The following TMEM67 variants were observed in gnomAD, a reference collection of about 807,000 sequenced individuals.
The protein encoded by TMEM67 is transmembrane protein 67, also known as meckelin.
A neutral mutation model predicts 136.6 loss-of-function variants in TMEM67; 124 were observed. That is an observed-to-expected ratio of 0.91 (90% CI 0.78 to 1.05). TMEM67 has a LOEUF of 1.05. TMEM67 is among the 50% of genes least tolerant of loss of function. TMEM67 has a pLI of 0.00. For synonymous variants in TMEM67, 364 were observed against 390.5 expected (o/e 0.93, Z 0.80); for missense variants, 1,107 against 1,178.4 (o/e 0.94, Z 0.89).
chr8:93,793,625 A>G (rs1470896198), intron 16 of TMEM67, among the ~76,000 whole-genome samples: 1 of 151,620 alleles, frequency 6.6e-6, no homozygotes, highest in African/African-American at 2.4e-5. Flanking sequence ...ATTTCTCTGT[A>G]CTCTTCATAT....
chr8:93,805,446 T>A (rs545241713), intron 23 of TMEM67, among the ~76,000 whole-genome samples: 101 of 151,900 alleles, frequency 6.6e-4, no homozygotes, highest in African/African-American at 2.3e-3. Flanking sequence ...TAGCCGGGCA[T>A]GGTCGCGGGC....
chr8:93,774,296 T>C (rs1411306422), intron 7 of TMEM67, among the ~76,000 whole-genome samples: 1 of 152,226 alleles, frequency 6.6e-6, no homozygotes, highest in African/African-American at 2.4e-5. Context: ...ATTACAGGCG[T>C]GAGCCACCAT....
intron 20 of TMEM67, among the ~76,000 whole-genome samples, 186 bp from the exon 21 acceptor site, chr8:93,799,432 G>A (rs1814767099): frequency 6.6e-6 from 1 of 152,124 alleles, no homozygotes; most frequent in African/African-American, 2.4e-5. Flanking sequence ...ACTAAATATT[G>A]TGTAATAAAT....
At chr8:93,781,572 G>A in intron 9 of TMEM67, 86 bp from the exon 10 acceptor site, 1 of 578,608 alleles carries the variant, frequency 1.7e-6, no homozygotes, top group South Asian at 3.1e-5. Context: ...CAACAAAAAA[G>A]ATCAGTCAAC....
chr8:93,775,468 G>T (rs1813496655), intron 7 of TMEM67, among the ~76,000 whole-genome samples: 1 of 152,140 alleles, frequency 6.6e-6, no homozygotes, highest in African/African-American at 2.4e-5. Flanking sequence ...TTTTCTTCTA[G>T]GGTTTTTATG....
chr8:93,781,108 T>A, intron 9 of TMEM67, 126 bp downstream of exon 9: 1 of 695,132 alleles, frequency 1.4e-6, no homozygotes, highest in Non-Finnish European at 2.6e-6. Context: ...TAAATATAAA[T>A]GTCAACAACT....
intron 6 of TMEM67, 100 bp from the exon 7 acceptor site, chr8:93,772,489 C>A: frequency 1.2e-6 from 1 of 868,928 alleles, no homozygotes; most frequent in Non-Finnish European, 1.9e-6. Context: ...AACTGTTTTT[C>A]TACTAACATT....
At position 93,758,510 on chromosome 8, in the gene TMEM67, T is replaced by G. The variant is rs748672318; in HGVS notation, c.340T>G (p.Cys114Gly). ...MKGVTEDGWNCISCPSDLTAE... is the reference protein window; with the variant it reads ...MKGVTEDGWNGISCPSDLTAE... The stretch of plus-strand genomic sequence containing the variant: ...AGGTGTTACAGAAGATGGCTGGAAC[T>G]GCATTTCTTGCCCTAGTGACTTAAC... The change falls in exon 3 of 28, where the codon TGC (cysteine) becomes GGC (glycine). Residue 114 changes from cysteine (C) to glycine (G), a missense_variant. Transcript: ENST00000453321. The G allele has an allele frequency of 6.2e-7, 1 of 1,613,938 alleles. No individual in the cohort carries two copies.
chr8:93,826,922 C>T, the TMEM67 span, among the ~76,000 whole-genome samples: 1 of 152,178 alleles, frequency 6.6e-6, no homozygotes, highest in Non-Finnish European at 1.5e-5. Context: ...CTCTGCCTCC[C>T]AGGCTCAAGC....
intron 21 of TMEM67, among the ~76,000 whole-genome samples, 180 bp downstream of exon 21, chr8:93,799,938 C>T (rs923023283): frequency 4.1e-5 from 6 of 147,106 alleles, no homozygotes; most frequent in East Asian, 2.0e-4. Flanking sequence ...AACAGAGTCC[C>T]GCTCTGTCAC....
intron 7 of TMEM67, among the ~76,000 whole-genome samples, chr8:93,777,260 C>T (rs200185589): frequency 2.6e-5 from 4 of 151,888 alleles, no homozygotes; most frequent in Non-Finnish European, 4.4e-5. Context: ...TTATTAGTCT[C>T]GCTAGCGGTC....
chr8:93,769,431 T>A (rs189138974), intron 6 of TMEM67: 1 of 163,928 alleles, frequency 6.1e-6, no homozygotes, highest in Non-Finnish European at 1.5e-5. Context: ...GCCATGAATG[T>A]CTGTCCCTCA....
intron 7 of TMEM67, among the ~76,000 whole-genome samples, chr8:93,777,919 T>C (rs1358400111): frequency 6.6e-6 from 1 of 152,206 alleles, no homozygotes; most frequent in Non-Finnish European, 1.5e-5. Context: ...GTTAACCTTC[T>C]GTCTTGTTGA....
intron 26 of TMEM67, among the ~76,000 whole-genome samples, 162 bp from the exon 27 acceptor site, chr8:93,815,143 A>T (rs1808856839): frequency 6.6e-6 from 1 of 152,224 alleles, no homozygotes; most frequent in South Asian, 2.1e-4. Context: ...AGATGAACAA[A>T]TCTTAAAATG....
downstream of TMEM67, among the ~76,000 whole-genome samples, chr8:93,822,396 G>A (rs73326948): frequency 0.033 from 5,009 of 152,290 alleles, 206 homozygotes; most frequent in African/African-American, 0.098. Flanking sequence ...TATGTAAAGT[G>A]AGGGGATTCG....
At chr8:93,814,909 G>GT (rs904383650) in intron 26 of TMEM67, among the ~76,000 whole-genome samples, 4 of 152,150 alleles carry the variant, frequency 2.6e-5, no homozygotes, top group Admixed American at 2.6e-4. Flanking sequence ...TTGAACTCTT[G>GT]AACACTATGT....
At position 93,816,418 on chromosome 8, in the gene TMEM67, C is replaced by A; in HGVS notation, c.2954C>A (p.Ser985Tyr). 1 of 1,598,708 alleles carries A rather than the reference C, an allele frequency of 6.3e-7. No homozygotes were observed. Among genetic ancestry groups the A allele is most frequent in the South Asian group, 1.1e-5 (1 of 89,790 alleles). Residue 985 changes from serine to tyrosine, a missense_variant, in exon 28 of 28, where the codon TCC (serine) becomes TAC (tyrosine). By Grantham distance (144) the Ser-to-Tyr change is moderately radical. Around this residue, in one of 3 missense-constraint regions of TMEM67, gnomAD observed 925 missense variants for 1,002.4 expected, o/e 0.92. Coordinates refer to ENST00000453321, the MANE Select transcript of TMEM67 (RefSeq NM_153704.6). The stretch of plus-strand genomic sequence containing the variant: ...ACAGTAGGACAAAAGAATTTGGCAT[C>A]CAAAACATTGGTGGATCAAAGATTT... ...RNTVGQKNLASKTLVDQRFLI is the reference protein window; with the variant it reads ...RNTVGQKNLAYKTLVDQRFLI
chr8:93,793,410 A>G, intron 16 of TMEM67, 114 bp downstream of exon 16: 1 of 874,456 alleles, frequency 1.1e-6, no homozygotes. Context: ...TTTCTGGGAT[A>G]TGTAATTAGG....
At chr8:93,827,770 T>A in the TMEM67 span, among the ~76,000 whole-genome samples, 1 of 151,760 alleles carries the variant, frequency 6.6e-6, no homozygotes, top group East Asian at 1.9e-4. Context: ...CCTTCTTTTT[T>A]TTTTTTACTA....
Sources: gnomAD v4.1 joint callset for allele counts (sites outside exome capture counted in the v4.1 genomes callset) on GRCh38, gnomAD v4.1.1 for gene constraint, gnomAD v4.1.1 regional missense constraint, MANE v1.5 for transcripts, NCBI Gene and HGNC (gene_info 2026-07-23, HGNC 2026-07-21) for gene names.